Variants in NKAIN2 observed in about 807,000 individuals in gnomAD.
The protein encoded by NKAIN2 is sodium/potassium transporting ATPase interacting 2.
Under a neutral mutation model 32.6 loss-of-function variants are expected in NKAIN2, and 14 were observed. The ratio of observed to expected loss-of-function variants is 0.43; its 90% CI spans 0.28 to 0.67. NKAIN2 has a LOEUF of 0.67. Among genes scored for constraint, NKAIN2 ranks in the 30% least tolerant of loss-of-function variants. The pLI is 0.17. For synonymous variants in NKAIN2, 80 were observed against 87.2 expected, an observed-to-expected ratio of 0.92 and a Z score of 0.46; for missense variants, 198 against 258.3, an observed-to-expected ratio of 0.77 and a Z score of 1.60.
chr6:123,978,254 G>A (rs532431398), intron 1 of NKAIN2, among the ~76,000 whole-genome samples: 36 of 152,224 alleles, frequency 2.4e-4, no homozygotes, highest in African/African-American at 8.7e-4. Context: ...ACGTCTCAGA[G>A]GAATGCTGGA....
chr6:123,886,639 A>G (rs544254272), intron 1 of NKAIN2, among the ~76,000 whole-genome samples: 7 of 152,136 alleles, frequency 4.6e-5, no homozygotes, highest in East Asian at 1.9e-4. Context: ...CTGCTTTTCT[A>G]TGTAGAACAT....
chr6:123,812,034 T>C (rs940240538), intron 1 of NKAIN2, among the ~76,000 whole-genome samples: 1 of 152,186 alleles, frequency 6.6e-6, no homozygotes, highest in Non-Finnish European at 1.5e-5. Flanking sequence ...GAGCAAGAAC[T>C]CTTATGCCCC....
At chr6:124,621,348 C>A (rs1195360521) in intron 3 of NKAIN2, among the ~76,000 whole-genome samples, 5 of 152,176 alleles carry the variant, frequency 3.3e-5, no homozygotes, top group Admixed American at 6.6e-5. Context: ...CTGTCTTGGA[C>A]AAAATGTAAT....
intron 1 of NKAIN2, among the ~76,000 whole-genome samples, chr6:123,908,359 A>T (rs1774995562): frequency 6.6e-6 from 1 of 152,192 alleles, no homozygotes; most frequent in Non-Finnish European, 1.5e-5. Flanking sequence ...TTATTTACTT[A>T]AAAAAGGCTC....
At chr6:124,093,936 A>G (rs893251040) in intron 1 of NKAIN2, among the ~76,000 whole-genome samples, 2 of 152,180 alleles carry the variant, frequency 1.3e-5, no homozygotes, top group African/African-American at 4.8e-5. Context: ...ACCAAAATAC[A>G]GAAATCAATG....
At chr6:123,938,155 C>T (rs1332066738) in intron 1 of NKAIN2, among the ~76,000 whole-genome samples, 4 of 151,714 alleles carry the variant, frequency 2.6e-5, no homozygotes, top group Admixed American at 1.3e-4. Flanking sequence ...CAGTCTAATG[C>T]ATTGCTAAAT....
intron 4 of NKAIN2, among the ~76,000 whole-genome samples, chr6:124,732,955 C>A (rs548397814): frequency 2.0e-4 from 30 of 151,904 alleles, no homozygotes; most frequent in African/African-American, 7.0e-4. Context: ...GATAAATAAA[C>A]CGTGATACAT....
intron 3 of NKAIN2, among the ~76,000 whole-genome samples, chr6:124,519,837 T>A (rs1779055475): frequency 6.6e-6 from 1 of 152,230 alleles, no homozygotes; most frequent in Admixed American, 6.5e-5. Flanking sequence ...AATACTTGCA[T>A]GTCTTACTAC....
chr6:124,223,870 T>G (rs1187234748), intron 1 of NKAIN2, among the ~76,000 whole-genome samples: 6 of 152,204 alleles, frequency 3.9e-5, no homozygotes, highest in African/African-American at 1.4e-4. Context: ...GAGATCTGCA[T>G]AGTAATACAA....
intron 3 of NKAIN2, among the ~76,000 whole-genome samples, chr6:124,461,324 C>T (rs185971215): frequency 6.6e-5 from 10 of 151,682 alleles, no homozygotes; most frequent in African/African-American, 2.4e-4. Flanking sequence ...CATGCGTGTG[C>T]ACAGAAAGAC....
intron 3 of NKAIN2, among the ~76,000 whole-genome samples, chr6:124,450,871 T>G (rs115480912): frequency 0.071 from 10,802 of 152,034 alleles, 482 homozygotes; most frequent in African/African-American, 0.097. Flanking sequence ...TCCACTATTT[T>G]CTCACCTCTA....
At chr6:124,581,364 G>C (rs916732052) in intron 3 of NKAIN2, among the ~76,000 whole-genome samples, 1 of 148,554 alleles carries the variant, frequency 6.7e-6, no homozygotes, top group Non-Finnish European at 1.5e-5. Flanking sequence ...GCGTGAACCC[G>C]GGAAGCGGAG....
chr6:124,354,760 G>C (rs1300361994), intron 2 of NKAIN2, among the ~76,000 whole-genome samples: 1 of 151,106 alleles, frequency 6.6e-6, no homozygotes, highest in East Asian at 1.9e-4. Flanking sequence ...ACAATAATGT[G>C]GATTACTATT....
At chr6:124,296,959 C>T (rs973383741) in intron 2 of NKAIN2, among the ~76,000 whole-genome samples, 5 of 152,160 alleles carry the variant, frequency 3.3e-5, no homozygotes, top group Non-Finnish European at 5.9e-5. Flanking sequence ...GTCAAACCAG[C>T]ACTAAGACAC....
At chr6:124,102,834 T>C (rs1784955082) in intron 1 of NKAIN2, among the ~76,000 whole-genome samples, 1 of 152,226 alleles carries the variant, frequency 6.6e-6, no homozygotes, top group South Asian at 2.1e-4. Context: ...TTCTTGTTTT[T>C]TTAAAACACT....
intron 3 of NKAIN2, among the ~76,000 whole-genome samples, chr6:124,510,060 A>G (rs1778651173): frequency 6.6e-6 from 1 of 151,946 alleles, no homozygotes; most frequent in African/African-American, 2.4e-5. Flanking sequence ...AATTTCTGTT[A>G]TTTTTCCCAC....
chr6:124,655,597 C>G (rs1336806539), intron 3 of NKAIN2, among the ~76,000 whole-genome samples: 1 of 152,068 alleles, frequency 6.6e-6, no homozygotes, highest in East Asian at 1.9e-4. Context: ...ACTTTCATTG[C>G]AAAATTCATG....
intron 1 of NKAIN2, among the ~76,000 whole-genome samples, chr6:124,002,819 G>T (rs1376571284): frequency 6.6e-6 from 1 of 152,208 alleles, no homozygotes; most frequent in Admixed American, 6.5e-5. Context: ...CAAACGCTGA[G>T]CATGTGCTTT....
At chr6:124,020,411 A>G (rs926573282) in intron 1 of NKAIN2, among the ~76,000 whole-genome samples, 11 of 152,096 alleles carry the variant, frequency 7.2e-5, no homozygotes, top group African/African-American at 2.7e-4. Context: ...ATCAGGGACA[A>G]CACTGCTTGG....
Sources: gnomAD v4.1 joint callset for allele counts (sites outside exome capture counted in the v4.1 genomes callset) on GRCh38, gnomAD v4.1.1 for gene constraint, MANE v1.5 for transcripts, NCBI Gene and HGNC (gene_info 2026-07-23, HGNC 2026-07-21) for gene names.